The following PRICKLE1 variants were observed in gnomAD, a reference collection of about 807,000 sequenced individuals.
The protein encoded by PRICKLE1 is prickle planar cell polarity protein 1, also known as prickle-like protein 1.
Under a neutral mutation model 70.2 loss-of-function variants are expected in PRICKLE1, and 14 were observed. The observed-to-expected ratio is 0.20, with a 90% CI of 0.13 to 0.31. PRICKLE1 has a LOEUF of 0.31. Among genes scored for constraint, PRICKLE1 ranks in the 10% least tolerant of loss-of-function variants. The probability of loss-of-function intolerance (pLI) is 1.00; values close to 1 mark genes in which losing one functional copy is unlikely to be tolerated. For missense variants in PRICKLE1, 821 were observed against 1,026.2 expected (o/e 0.80, Z 2.73); for synonymous variants, 357 against 379.9 (o/e 0.94, Z 0.70).
At chr12:42,529,955 T>TC (rs67894756) in intron 1 of PRICKLE1, among the ~76,000 whole-genome samples, 13 of 17,058 alleles carry the variant, frequency 7.6e-4, no homozygotes, top group East Asian at 8.1e-3. Context: ...CTTCCTTCCT[T>TC]TTTTTTTTTT....
At chr12:42,506,241 G>GTTTTT (rs774029085) in intron 1 of PRICKLE1, among the ~76,000 whole-genome samples, 1 of 122,186 alleles carries the variant, frequency 8.2e-6, no homozygotes, top group South Asian at 2.9e-4. Context: ...AGTAAAAAAT[G>GTTTTT]TTCTTTTTTC....
chr12:42,461,613 A>G (rs1937840062), intron 7 of PRICKLE1, among the ~76,000 whole-genome samples: 1 of 152,218 alleles, frequency 6.6e-6, no homozygotes, highest in Admixed American at 6.5e-5. Context: ...CCTGACCTAG[A>G]TCTTCATCCA....
chr12:42,498,138 A>T (rs1224228263), intron 1 of PRICKLE1, among the ~76,000 whole-genome samples: 1 of 147,080 alleles, frequency 6.8e-6, no homozygotes, highest in African/African-American at 2.5e-5. Flanking sequence ...GTGAGCCTCC[A>T]TGCCTAGTCT....
chr12:42,512,298 G>A (rs943321465), intron 1 of PRICKLE1, among the ~76,000 whole-genome samples: 1 of 151,986 alleles, frequency 6.6e-6, no homozygotes. Context: ...AGCCTCCTGA[G>A]TAGCTGGGAC....
At chr12:42,498,990 A>G (rs2600925) in intron 1 of PRICKLE1, among the ~76,000 whole-genome samples, 26,961 of 152,206 alleles carry the variant, frequency 0.18, 3,211 homozygotes, top group African/African-American at 0.32. Context: ...ATGAGAACTC[A>G]AGTATGTATT....
intron 1 of PRICKLE1, among the ~76,000 whole-genome samples, chr12:42,518,384 T>C (rs1431425408): frequency 1.3e-5 from 2 of 152,194 alleles, no homozygotes; most frequent in African/African-American, 4.8e-5. Flanking sequence ...ACTTGTCTAC[T>C]AACAAGGATG....
intron 5 of PRICKLE1, among the ~76,000 whole-genome samples, chr12:42,466,876 T>G (rs1407168163): frequency 1.3e-5 from 2 of 152,148 alleles, no homozygotes; most frequent in Non-Finnish European, 2.9e-5. Flanking sequence ...ATCTCTAGAT[T>G]AAGGACTCTT....
intron 1 of PRICKLE1, among the ~76,000 whole-genome samples, chr12:42,513,502 T>C (rs539951041): frequency 6.6e-6 from 1 of 152,014 alleles, no homozygotes; most frequent in African/African-American, 2.4e-5. Context: ...CAGCGTGCTA[T>C]GATAATGCCC....
intron 4 of PRICKLE1, 95 bp downstream of exon 4, chr12:42,469,355 G>A: frequency 6.9e-7 from 1 of 1,458,598 alleles, no homozygotes; most frequent in Non-Finnish European, 9.5e-7. Flanking sequence ...AGGCTTTCAG[G>A]ACCCACACCT....
chr12:42,502,708 C>T (rs902005228), intron 1 of PRICKLE1, among the ~76,000 whole-genome samples: 7 of 152,134 alleles, frequency 4.6e-5, no homozygotes, highest in African/African-American at 1.2e-4. Flanking sequence ...TCAGAGCAGA[C>T]GCGGGAAAGG....
At position 42,488,381 on chromosome 12, in the gene PRICKLE1, A is replaced by T. The variant is rs542586481; in HGVS notation, c.-48-15817T>A. Among the ~76,000 whole-genome samples, 14 of 152,354 alleles carry T rather than the reference A, an allele frequency of 9.2e-5. No homozygotes were observed. In the South Asian group the frequency reaches 2.9e-3, roughly 32 times the overall value. On this transcript the variant is annotated intron_variant, in intron 1 of 7. Coordinates refer to ENST00000345127, the MANE Select transcript of PRICKLE1 (RefSeq NM_153026.3). ...TTGACCTTGTTCAGGGTTGTTATCT[A>T]CTACTGAAGACACACTGCCATCTTT...
intron 1 of PRICKLE1, among the ~76,000 whole-genome samples, chr12:42,545,151 G>A (rs1177936578): frequency 1.3e-5 from 2 of 152,002 alleles, no homozygotes; most frequent in East Asian, 1.9e-4. Flanking sequence ...CTACAGGTGC[G>A]CATCACCATG....
At chr12:42,493,910 G>C (rs555674554) in intron 1 of PRICKLE1, among the ~76,000 whole-genome samples, 1 of 150,670 alleles carries the variant, frequency 6.6e-6, no homozygotes, top group Non-Finnish European at 1.5e-5. Flanking sequence ...AAAGAAAAAA[G>C]AAAAATTAAC....
intron 1 of PRICKLE1, among the ~76,000 whole-genome samples, chr12:42,582,399 A>G (rs1280160941): frequency 6.6e-6 from 1 of 152,264 alleles, no homozygotes; most frequent in Non-Finnish European, 1.5e-5. Context: ...AAAGCAGTTC[A>G]AAATTCCTAT....
At chr12:42,561,905 C>CTTTTTTTTTTTTTT (rs60450733) in intron 1 of PRICKLE1, among the ~76,000 whole-genome samples, 1 of 87,252 alleles carries the variant, frequency 1.1e-5, no homozygotes, top group Admixed American at 1.5e-4. Flanking sequence ...TTTTTCTTTT[C>CTTTTTTTTTTTTTT]TTTTTTTTTT....
chr12:42,550,689 A>C (rs1227871485), intron 1 of PRICKLE1, among the ~76,000 whole-genome samples: 2 of 152,178 alleles, frequency 1.3e-5, no homozygotes, highest in Non-Finnish European at 2.9e-5. Context: ...TTCCTACTAC[A>C]AAACAACAAA....
chr12:42,494,930 T>C (rs1468470754), intron 1 of PRICKLE1, among the ~76,000 whole-genome samples: 3 of 149,792 alleles, frequency 2.0e-5, no homozygotes, highest in Non-Finnish European at 4.4e-5. Flanking sequence ...AGGATTTTGC[T>C]CTCACCATGG....
Position 42,458,326 on chromosome 12 carries a change from T to C in PRICKLE1, c.*1483A>G, listed in dbSNP as rs372755792. 1.2e-4 allele frequency: 19 copies of C among 152,330 alleles called. No homozygotes were observed. In the East Asian group the frequency reaches 2.1e-3, roughly 17 times the overall value. The allele number at this position is 152,330 out of a possible 1,614,324, so 9.4% of individuals were successfully genotyped here. ...ACAAAATGGAAGTTATCTGGATACA[T>C]TTGCAAAGATTTATATTCAGAAAGG... On this transcript the variant is annotated 3_prime_UTR_variant, in exon 8 of 8. Transcript: ENST00000345127.
At chr12:42,514,890 T>TATCTATCTATCTATCTATCA (rs746195030) in intron 1 of PRICKLE1, among the ~76,000 whole-genome samples, 6 of 59,108 alleles carry the variant, frequency 1.0e-4, no homozygotes, top group African/African-American at 3.2e-4. Flanking sequence ...AGGCTCGCTC[T>TATCTATCTATCTATCTATCA]ATCTATCTAT....
Sources: gnomAD v4.1 joint callset for allele counts (sites outside exome capture counted in the v4.1 genomes callset) on GRCh38, gnomAD v4.1.1 for gene constraint, MANE v1.5 for transcripts, NCBI Gene and HGNC (gene_info 2026-07-23, HGNC 2026-07-21) for gene names.